Variants in BTBD16 observed in about 807,000 individuals in gnomAD.
BTBD16 encodes the protein BTB/POZ domain-containing protein 16.
In BTBD16, 66 loss-of-function variants were observed where a neutral mutation model predicts 67.4. That is an observed-to-expected ratio of 0.98 (90% CI 0.80 to 1.20). The LOEUF is 1.20. Among genes scored for constraint, BTBD16 ranks in the 50% most tolerant of loss-of-function variants. The pLI is 0.00. For missense variants in BTBD16, 634 were observed against 616.0 expected, an observed-to-expected ratio of 1.03 and a Z score of -0.31; for synonymous variants, 242 against 236.4, an observed-to-expected ratio of 1.02 and a Z score of -0.22.
chr10:122,277,072 G>T, intron 3 of BTBD16, 133 bp downstream of exon 3: 1 of 1,065,006 alleles, frequency 9.4e-7, no homozygotes, highest in South Asian at 2.0e-5. Context: ...TCCCTCTGGA[G>T]CCAGCTCTCA....
rs897873368 is a variant in BTBD16, at chr10:122,291,319, A to C, written c.590+125A>C. The C allele has an allele frequency of 4.6e-5, 58 of 1,250,384 alleles. No individual in the cohort carries two copies. The African/African-American group carries it at 8.3e-4, about 18-fold the overall frequency. The allele number at this position is 1,250,384 out of a possible 1,614,324, so 77.5% of individuals were successfully genotyped here. ...AGACACCTCAGGTGTCTTTGTGCCA[A>C]GCATGGCCTTGAGCCTGGAAAGGAA... On this transcript the variant is annotated intron_variant, in intron 7 of 15. Transcript: ENST00000260723.
chr10:122,278,923 T>C (rs2096346539), intron 3 of BTBD16, among the ~76,000 whole-genome samples: 1 of 152,214 alleles, frequency 6.6e-6, no homozygotes, highest in South Asian at 2.1e-4. Flanking sequence ...ATGCTTATCA[T>C]GGTGACAGCA....
intron 7 of BTBD16, among the ~76,000 whole-genome samples, chr10:122,291,964 G>T (rs909259781): frequency 1.8e-4 from 27 of 152,124 alleles, no homozygotes; most frequent in Admixed American, 1.0e-3. Context: ...TCCTGACGAG[G>T]GTTGCCTGGG....
At chr10:122,295,054 C>T (rs1278215488) in intron 7 of BTBD16, among the ~76,000 whole-genome samples, 1 of 152,252 alleles carries the variant, frequency 6.6e-6, no homozygotes, top group Non-Finnish European at 1.5e-5. Flanking sequence ...AGGCCTCCAC[C>T]TGTCCCTGGT....
chr10:122,278,129 C>A (rs1047805333), intron 3 of BTBD16, among the ~76,000 whole-genome samples: 1 of 152,200 alleles, frequency 6.6e-6, no homozygotes, highest in Non-Finnish European at 1.5e-5. Context: ...GATGCAGGTG[C>A]TGGAGCTAGG....
intron 15 of BTBD16, among the ~76,000 whole-genome samples, chr10:122,337,476 G>GT (rs1188550981): frequency 6.6e-6 from 1 of 151,968 alleles, no homozygotes; most frequent in African/African-American, 2.4e-5. Context: ...GTTTTGTTTT[G>GT]TTTTTTGAGA....
At chr10:122,331,059 T>A in intron 11 of BTBD16, 117 bp from the exon 12 acceptor site, 1 of 1,360,746 alleles carries the variant, frequency 7.3e-7, no homozygotes, top group Non-Finnish European at 9.8e-7. Context: ...AAGGAGACCA[T>A]CCACCCCTTT....
chr10:122,275,100 G>T lies in BTBD16; in HGVS notation c.18+1G>T, dbSNP rs764907336. 2 of 1,613,752 alleles carry T rather than the reference G, an allele frequency of 1.2e-6. No individual in the cohort carries two copies. Among genetic ancestry groups the T allele is most frequent in the East Asian group, 4.5e-5 (2 of 44,868 alleles). On this transcript the variant is annotated splice_donor_variant, in intron 2 of 15. Coordinates refer to ENST00000260723, the MANE Select transcript of BTBD16 (RefSeq NM_144587.5). LOFTEE classifies it high-confidence loss of function. ...TTCATTCATGATAATGTCGAACACG[G>T]TGAGTAGATCAGTTTCTCAAGAAGG...
intron 7 of BTBD16, among the ~76,000 whole-genome samples, chr10:122,295,824 G>T (rs1003558215): frequency 6.6e-6 from 1 of 152,114 alleles, no homozygotes; most frequent in African/African-American, 2.4e-5. Flanking sequence ...CTGAAGGGCC[G>T]ATCCTAGCAC....
At chr10:122,280,011 C>T (rs1272370123) in intron 3 of BTBD16, among the ~76,000 whole-genome samples, 1 of 152,120 alleles carries the variant, frequency 6.6e-6, no homozygotes, top group Admixed American at 6.5e-5. Flanking sequence ...GCAGGGAGTT[C>T]CTGGTCAGCC....
chr10:122,315,253 G>A (rs893323285), intron 10 of BTBD16, among the ~76,000 whole-genome samples: 5 of 152,168 alleles, frequency 3.3e-5, no homozygotes, highest in East Asian at 1.9e-4. Flanking sequence ...ACAGTTTGAT[G>A]ACTTTGATAA....
At chr10:122,285,343 T>C (rs2096361601) in intron 4 of BTBD16, among the ~76,000 whole-genome samples, 1 of 152,200 alleles carries the variant, frequency 6.6e-6, no homozygotes, top group South Asian at 2.1e-4. Flanking sequence ...CCTCTTCTTT[T>C]AGTGATCACT....
At chr10:122,318,392 A>G (rs567260916) in intron 10 of BTBD16, among the ~76,000 whole-genome samples, 2 of 152,252 alleles carry the variant, frequency 1.3e-5, no homozygotes, top group East Asian at 1.9e-4. Flanking sequence ...TCATCTTTTC[A>G]TAGACATTTG....
chr10:122,278,749 G>T (rs1258049083), intron 3 of BTBD16, among the ~76,000 whole-genome samples: 1 of 152,172 alleles, frequency 6.6e-6, no homozygotes, highest in Non-Finnish European at 1.5e-5. Flanking sequence ...GTGATATTGG[G>T]AAGCTGCATG....
At chr10:122,272,321 T>C (rs2096330486) in intron 1 of BTBD16, among the ~76,000 whole-genome samples, 2 of 152,160 alleles carry the variant, frequency 1.3e-5, no homozygotes, top group Non-Finnish European at 2.9e-5. Context: ...GCCATGTTTG[T>C]ACCCAGACAC....
chr10:122,324,845 G>A (rs575978252), intron 10 of BTBD16, among the ~76,000 whole-genome samples: 47 of 152,256 alleles, frequency 3.1e-4, no homozygotes, highest in African/African-American at 8.9e-4. Context: ...GGCTTCCCAG[G>A]CATATTGAGA....
chr10:122,334,047 T>C (rs940068467), intron 13 of BTBD16, among the ~76,000 whole-genome samples: 1 of 152,204 alleles, frequency 6.6e-6, no homozygotes, highest in Non-Finnish European at 1.5e-5. Context: ...AAATTGTTAC[T>C]AGTAATTACT....
intron 14 of BTBD16, 52 bp from the exon 15 acceptor site, chr10:122,336,442 T>C: frequency 6.7e-7 from 1 of 1,502,870 alleles, no homozygotes; most frequent in Non-Finnish European, 9.0e-7. Flanking sequence ...TTTCCCTAAC[T>C]CTGGGCCACC....
At chr10:122,307,759 A>G (rs747461440) in intron 10 of BTBD16, among the ~76,000 whole-genome samples, 3 of 152,222 alleles carry the variant, frequency 2.0e-5, no homozygotes, top group Non-Finnish European at 4.4e-5. Context: ...TCCAAGCATG[A>G]CGAGGCGAGT....
Sources: allele counts gnomAD v4.1 joint callset (sites outside exome capture counted in the v4.1 genomes callset), GRCh38; gene constraint gnomAD v4.1.1; transcripts MANE v1.5; gene names NCBI Gene and HGNC (gene_info 2026-07-23, HGNC 2026-07-21).